Variants in ROBO1 observed in about 807,000 individuals in gnomAD.
ROBO1 encodes the protein roundabout homolog 1.
ROBO1 carries 149 observed loss-of-function variants against 195.9 expected under a neutral mutation model. That is an observed-to-expected ratio of 0.76 (90% CI 0.67 to 0.87). The LOEUF (loss-of-function observed/expected upper bound fraction) is 0.87, where lower values mean the gene tolerates loss of function less well. Among genes scored for constraint, ROBO1 ranks in the 40% least tolerant of loss-of-function variants. The probability of loss-of-function intolerance (pLI) is 0.00; values close to 1 mark genes in which losing one functional copy is unlikely to be tolerated. For synonymous variants in ROBO1, 816 were observed against 733.2 expected, an observed-to-expected ratio of 1.11 and a Z score of -1.82; for missense variants, 1,933 against 2,068.3, an observed-to-expected ratio of 0.93 and a Z score of 1.27.
At chr3:78,618,171 C>T in intron 26 of ROBO1, 130 bp from the exon 27 acceptor site, 1 of 923,188 alleles carries the variant, frequency 1.1e-6, no homozygotes, top group Non-Finnish European at 1.6e-6. Flanking sequence ...TTCAGAAAAA[C>T]AACTGAATAT....
At chr3:79,151,591 A>C (rs1232834525) in intron 2 of ROBO1, among the ~76,000 whole-genome samples, 1 of 151,734 alleles carries the variant, frequency 6.6e-6, no homozygotes, top group Admixed American at 6.6e-5. Context: ...TTTAAAATAG[A>C]AATCGGACTT....
intron 5 of ROBO1, among the ~76,000 whole-genome samples, chr3:78,743,917 T>C (rs1284471753): frequency 6.6e-6 from 1 of 151,962 alleles, no homozygotes; most frequent in Non-Finnish European, 1.5e-5. Context: ...GGAAGTAGAG[T>C]GTTTCATCCG....
At chr3:79,597,818 A>C (rs1476094988) in intron 1 of ROBO1, among the ~76,000 whole-genome samples, 1 of 152,110 alleles carries the variant, frequency 6.6e-6, no homozygotes, top group Non-Finnish European at 1.5e-5. Flanking sequence ...AGTGATGACA[A>C]GGCAAAGACA....
intron 3 of ROBO1, among the ~76,000 whole-genome samples, chr3:79,098,480 G>A (rs1473970280): frequency 6.6e-6 from 1 of 151,762 alleles, no homozygotes; most frequent in Non-Finnish European, 1.5e-5. Flanking sequence ...ATTCTCAGGG[G>A]CTGTCTGTCT....
intron 2 of ROBO1, among the ~76,000 whole-genome samples, chr3:79,195,605 A>G (rs1360825551): frequency 6.6e-6 from 1 of 151,622 alleles, no homozygotes; most frequent in Non-Finnish European, 1.5e-5. Flanking sequence ...AATATTTTCA[A>G]TAAGCTATAT....
At chr3:79,097,351 CTG>C (rs765822730) in intron 3 of ROBO1, among the ~76,000 whole-genome samples, 10 of 151,872 alleles carry the variant, frequency 6.6e-5, no homozygotes, top group Middle Eastern at 3.4e-3. Context: ...ACTTCAAAAA[CTG>C]TTGTTCTGAT....
At chr3:78,649,634 T>C (rs1706524821) in intron 19 of ROBO1, among the ~76,000 whole-genome samples, 1 of 152,112 alleles carries the variant, frequency 6.6e-6, no homozygotes, top group African/African-American at 2.4e-5. Flanking sequence ...GTATAGAAAA[T>C]TTAAGATCTC....
At chr3:79,317,919 T>TGC (rs1401305406) in intron 2 of ROBO1, among the ~76,000 whole-genome samples, 3 of 152,146 alleles carry the variant, frequency 2.0e-5, no homozygotes, top group Non-Finnish European at 4.4e-5. Context: ...AACAACTTTA[T>TGC]GTGTGTGTAT....
At chr3:79,310,262 A>C (rs1279656425) in intron 2 of ROBO1, among the ~76,000 whole-genome samples, 1 of 152,202 alleles carries the variant, frequency 6.6e-6, no homozygotes, top group Non-Finnish European at 1.5e-5. Context: ...TGACTCTGTT[A>C]AAAGCTGCTC....
chr3:79,352,063 A>T (rs1436277742), intron 2 of ROBO1, among the ~76,000 whole-genome samples: 1 of 152,200 alleles, frequency 6.6e-6, no homozygotes, highest in Admixed American at 6.5e-5. Flanking sequence ...TGAACAGAAC[A>T]TCCTGATGCT....
At chr3:79,000,418 A>C (rs2077474208) in intron 3 of ROBO1, among the ~76,000 whole-genome samples, 1 of 152,182 alleles carries the variant, frequency 6.6e-6, no homozygotes, top group Admixed American at 6.6e-5. Context: ...GAAGCTCTTT[A>C]ATTAGATCCC....
chr3:78,889,826 T>G (rs928898064), intron 4 of ROBO1, among the ~76,000 whole-genome samples: 3 of 152,006 alleles, frequency 2.0e-5, no homozygotes, highest in African/African-American at 7.2e-5. Context: ...GACACTAGAC[T>G]GGAAGAAATA....
In ROBO1 at chr3:78,677,165, T is replaced by C. The variant is rs546646657; in HGVS notation, c.1343-6864A>G. 6.6e-5 allele frequency among the ~76,000 whole-genome samples: 10 copies of C among 152,250 alleles called. No homozygotes were observed. The East Asian group carries it at 1.7e-3, about 26-fold the overall frequency. ...ACCAGGCCTGCCCTAAAAGAGCTCC[T>C]GAAGGAAGTACTAAACGTGGAAAGG... On this transcript the variant is annotated intron_variant, in intron 10 of 30. Transcript: ENST00000464233.
chr3:79,180,427 T>C (rs1292422890), intron 2 of ROBO1, among the ~76,000 whole-genome samples: 1 of 152,182 alleles, frequency 6.6e-6, no homozygotes, highest in Non-Finnish European at 1.5e-5. Flanking sequence ...AATCTGTCTC[T>C]TTCTCCTTTC....
At chr3:79,352,449 T>C (rs2035380453) in intron 2 of ROBO1, among the ~76,000 whole-genome samples, 2 of 152,216 alleles carry the variant, frequency 1.3e-5, no homozygotes, top group Non-Finnish European at 2.9e-5. Context: ...TAAAATGATA[T>C]TGGCTTAACA....
At chr3:79,741,288 G>A (rs141631660) in intron 1 of ROBO1, among the ~76,000 whole-genome samples, 2 of 152,234 alleles carry the variant, frequency 1.3e-5, no homozygotes, top group African/African-American at 4.8e-5. Flanking sequence ...TTATGCTACT[G>A]GTAAAACTTA....
chr3:78,824,550 T>C (rs1484201241), intron 4 of ROBO1, among the ~76,000 whole-genome samples: 1 of 152,168 alleles, frequency 6.6e-6, no homozygotes, highest in African/African-American at 2.4e-5. Flanking sequence ...TATAATGATG[T>C]ACATCAGGAT....
intron 26 of ROBO1, among the ~76,000 whole-genome samples, chr3:78,619,687 C>T (rs1367387994): frequency 6.6e-6 from 1 of 151,882 alleles, no homozygotes; most frequent in Admixed American, 6.6e-5. Context: ...GGGCATTTGG[C>T]AAAGGATGTC....
At chr3:79,599,185 G>A (rs1048645693) in intron 1 of ROBO1, among the ~76,000 whole-genome samples, 2 of 152,116 alleles carry the variant, frequency 1.3e-5, no homozygotes, top group Admixed American at 1.3e-4. Context: ...TGCATGTGAA[G>A]TATTCAAAAT....
Sources: allele counts gnomAD v4.1 joint callset (sites outside exome capture counted in the v4.1 genomes callset), GRCh38; gene constraint gnomAD v4.1.1; transcripts MANE v1.5; gene names NCBI Gene and HGNC (gene_info 2026-07-23, HGNC 2026-07-21).